PTPRA: variants seen among roughly 807,000 people sequenced by gnomAD.
The protein encoded by PTPRA is receptor-type tyrosine-protein phosphatase alpha.
Under a neutral mutation model 104.8 loss-of-function variants are expected in PTPRA, and 25 were observed. The observed-to-expected ratio is 0.24, with a 90% confidence interval of 0.17 to 0.33. The LOEUF (loss-of-function observed/expected upper bound fraction) is 0.33. PTPRA is among the 10% of genes least tolerant of loss of function. The pLI is 1.00. For missense variants in PTPRA, 765 were observed against 1,015.3 expected (o/e 0.75, Z 3.35); for synonymous variants, 323 against 368.9 (o/e 0.88, Z 1.43).
chr20:3,004,244 C>T (rs1405109138), intron 9 of PTPRA, among the ~76,000 whole-genome samples: 1 of 152,176 alleles, frequency 6.6e-6, no homozygotes, highest in Non-Finnish European at 1.5e-5. Flanking sequence ...TCTCGAACTC[C>T]TGACCTCAGG....
chr20:2,873,007 C>T (rs1387945912), upstream of PTPRA, among the ~76,000 whole-genome samples: 1 of 152,126 alleles, frequency 6.6e-6, no homozygotes, highest in Non-Finnish European at 1.5e-5. This position sits in a 1 kb window ranked among gnomAD's most constrained non-coding sequence, Gnocchi z 4.4. Context: ...AGGGACTTGG[C>T]AGGTTCCTCT....
chr20:2,978,467 T>C (rs1404451853), intron 6 of PTPRA, among the ~76,000 whole-genome samples: 1 of 152,212 alleles, frequency 6.6e-6, no homozygotes, highest in Non-Finnish European at 1.5e-5. Flanking sequence ...ACTGGGGCTA[T>C]AGGACTATGG....
chr20:2,965,088 A>G lies in PTPRA; in HGVS notation c.301A>G (p.Ile101Val), dbSNP rs755596985. 1.2e-6 allele frequency: 2 copies of G among 1,614,076 alleles called. No homozygotes were observed. The highest frequency in any genetic ancestry group is 8.5e-7 in the Non-Finnish European group (1 of 1,179,960). ...TASTNSIGIT[I>V]SPNGTWLPDN... ...AAGCACCAATTCTATAGGCATTACA[A>G]TTTCACCAAATGGAACGTGGCTTCC... Residue 101 changes from isoleucine (I) to valine (V), a missense_variant, in exon 5 of 24, where the codon ATT becomes GTT. By Grantham distance (29) the Ile-to-Val change is conservative. This residue lies in a region of PTPRA where 256 missense variants were observed against 248.9 expected (regional missense o/e 1.03). Coordinates refer to ENST00000399903, the MANE Select transcript of PTPRA (RefSeq NM_001385305.1).
intron 9 of PTPRA, among the ~76,000 whole-genome samples, chr20:2,990,041 C>T (rs563590157): frequency 1.2e-3 from 182 of 152,192 alleles, no homozygotes; most frequent in African/African-American, 3.9e-3. Flanking sequence ...ATGACTCTGG[C>T]TTCTGTAAGG....
At position 2,910,217 on chromosome 20, in the gene PTPRA, GAT is replaced by G. The variant is rs1161993216; in HGVS notation, c.-128-12984_-128-12983del. On this transcript the variant is annotated intron_variant, in intron 1 of 23. Transcript: ENST00000399903. ...ATGATATATATACTATATTGTATATGATATATAATATGTATTGTATATTATAT... is the reference window on the plus strand; with the variant it reads ...ATGATATATATACTATATTGTATATGATATAATATGTATTGTATATTATAT... Among the ~76,000 whole-genome samples the G allele has an allele frequency of 9.1e-5, 8 of 88,258 alleles. No individual in the cohort carries two copies. The Admixed American group carries it at 1.1e-3, about 12-fold the overall frequency. The allele number at this position is 88,258 out of a possible 152,430, so 57.9% of individuals were successfully genotyped here. A position where few individuals can be genotyped will look rare whatever the true frequency, so the allele number is the denominator to read the frequency against.
At chr20:2,987,264 C>G (rs2062949764) in intron 7 of PTPRA, among the ~76,000 whole-genome samples, 1 of 151,954 alleles carries the variant, frequency 6.6e-6, no homozygotes, top group South Asian at 2.1e-4. Context: ...CTGGCTGGGG[C>G]TTTGTCCCCA....
chr20:2,986,926 G>A, intron 7 of PTPRA, 77 bp downstream of exon 7: 3 of 1,269,906 alleles, frequency 2.4e-6, no homozygotes, highest in Non-Finnish European at 2.3e-6. Context: ...ACACAGTCCA[G>A]TAGACAGTAG....
At chr20:2,904,116 A>G (rs1348819684) in intron 1 of PTPRA, among the ~76,000 whole-genome samples, 8 of 151,872 alleles carry the variant, frequency 5.3e-5, no homozygotes, top group East Asian at 1.9e-4. Context: ...GGGTCTTTCT[A>G]TGATGCCCCG....
chr20:2,988,139 A>G, intron 8 of PTPRA, 34 bp downstream of exon 8: 2 of 1,541,716 alleles, frequency 1.3e-6, no homozygotes, highest in South Asian at 2.2e-5. Flanking sequence ...GGGAACCTTC[A>G]CAAGGAAGGA....
chr20:3,003,520 ATTTTAAAGTGCCTCCC>A (rs1159474457), intron 9 of PTPRA, among the ~76,000 whole-genome samples: 1 of 152,068 alleles, frequency 6.6e-6, no homozygotes, highest in Non-Finnish European at 1.5e-5. Context: ...TAGTGTTGGA[ATTTTAAAGTGCCTCCC>A]TTTTTGCTTT....
At chr20:2,976,699 T>C (rs181781753) in intron 6 of PTPRA, among the ~76,000 whole-genome samples, 2 of 152,368 alleles carry the variant, frequency 1.3e-5, no homozygotes, top group Non-Finnish European at 2.9e-5. Context: ...TCTTTAGAAG[T>C]ATTGCTATAA....
At chr20:2,909,315 C>T (rs947495420) in intron 1 of PTPRA, among the ~76,000 whole-genome samples, 1 of 151,868 alleles carries the variant, frequency 6.6e-6, no homozygotes, top group African/African-American at 2.4e-5. Context: ...CAAAACAGGC[C>T]TGGTGCGGTG....
Position 2,941,021 on chromosome 20 carries a change from T to TGG in PTPRA, c.-49-6957_-49-6956dup, listed in dbSNP as rs1389059713. On this transcript the variant is annotated intron_variant, in intron 2 of 23. Transcript: ENST00000399903. The stretch of plus-strand genomic sequence containing the variant: ...GTGTTCTTTTCTTCTGGTTTTTTTT[T>TGG]GGGGGTTTTTTTTGTTTCTTTGGTT... Among the ~76,000 whole-genome samples, 1,454 of 151,424 alleles carry TGG rather than the reference T, an allele frequency of 9.6e-3. 9 individuals carry two copies. The highest frequency in any genetic ancestry group is 0.015 in the Non-Finnish European group (995 of 67,766).
chr20:3,019,184 C>T (rs1231787390), intron 13 of PTPRA, among the ~76,000 whole-genome samples: 14 of 140,560 alleles, frequency 1.0e-4, no homozygotes, highest in African/African-American at 3.1e-4. Context: ...CCGGACGGGG[C>T]GGCCGGCCGG....
intron 5 of PTPRA, among the ~76,000 whole-genome samples, chr20:2,971,888 G>T (rs923453706): frequency 6.6e-6 from 1 of 152,102 alleles, no homozygotes; most frequent in African/African-American, 2.4e-5. Context: ...AGGCTGGAGT[G>T]CAGTGGCGCC....
At chr20:2,889,732 A>T (rs1161188806) in intron 1 of PTPRA, among the ~76,000 whole-genome samples, 1 of 152,180 alleles carries the variant, frequency 6.6e-6, no homozygotes, top group Admixed American at 6.5e-5. Context: ...TGATACAGTT[A>T]TTATTGGTCA....
At chr20:2,940,731 C>T (rs1297911118) in intron 2 of PTPRA, among the ~76,000 whole-genome samples, 2 of 152,104 alleles carry the variant, frequency 1.3e-5, no homozygotes, top group African/African-American at 4.8e-5. Context: ...CAAATTTCAG[C>T]GTTTTATTAG....
At chr20:3,010,022 G>A (rs968591766) in intron 11 of PTPRA, among the ~76,000 whole-genome samples, 1 of 151,850 alleles carries the variant, frequency 6.6e-6, no homozygotes, top group African/African-American at 2.4e-5. Context: ...CTAATTTTTT[G>A]TATTTTTAGT....
chr20:2,924,996 T>C (rs2060243096), intron 2 of PTPRA, among the ~76,000 whole-genome samples: 1 of 152,154 alleles, frequency 6.6e-6, no homozygotes, highest in Non-Finnish European at 1.5e-5. Flanking sequence ...GTTTTACATC[T>C]TAATGTGTTC....
Sources: gnomAD v4.1 joint callset for allele counts (sites outside exome capture counted in the v4.1 genomes callset) on GRCh38, gnomAD v4.1.1 for gene constraint, gnomAD v4.1.1 regional missense constraint, Gnocchi (gnomAD v3.1) non-coding constraint, MANE v1.5 for transcripts, NCBI Gene and HGNC (gene_info 2026-07-23, HGNC 2026-07-21) for gene names.